The following ZSCAN26 variants were observed in gnomAD, a reference collection of about 807,000 sequenced individuals.
The protein encoded by ZSCAN26 is zinc finger and SCAN domain-containing protein 26.
ZSCAN26 carries 26 observed loss-of-function variants against 23.0 expected under a neutral mutation model. The observed-to-expected ratio is 1.13, with a 90% CI of 0.83 to 1.57. The LOEUF is 1.57. Ranked by LOEUF, ZSCAN26 falls within the 40% of genes most tolerant of loss-of-function variation. ZSCAN26 has a pLI of 0.00. For synonymous variants in ZSCAN26, 180 were observed against 202.5 expected (o/e 0.89, Z 0.94); for missense variants, 528 against 568.5 (o/e 0.93, Z 0.72).
At chr6:28,268,542 G>A (rs1337499108) in intron 1 of ZSCAN26, among the ~76,000 whole-genome samples, 1 of 152,120 alleles carries the variant, frequency 6.6e-6, no homozygotes, top group Non-Finnish European at 1.5e-5. Flanking sequence ...ATAGATTGGT[G>A]TCTCAGACCA....
chr6:28,271,716 C>T, intron 1 of ZSCAN26, 138 bp from the exon 2 acceptor site: 14 of 541,822 alleles, frequency 2.6e-5, no homozygotes, highest in African/African-American at 3.8e-5. Flanking sequence ...TAGTTTTTTC[C>T]TTCTGTATGT....
chr6:28,274,623 C>T (rs1368119501), intron 3 of ZSCAN26, among the ~76,000 whole-genome samples: 2 of 152,162 alleles, frequency 1.3e-5, no homozygotes, highest in Non-Finnish European at 2.9e-5. Context: ...AGCTGTAGTT[C>T]TAGCCACTTG....
chr6:28,272,248 G>A lies in ZSCAN26; in HGVS notation c.329G>A (p.Arg110Gln), dbSNP rs770434648. 32 of 1,611,986 alleles carry A rather than the reference G, an allele frequency of 2.0e-5. No individual in the cohort carries two copies. Among genetic ancestry groups the A allele is most frequent in the Admixed American group, 1.2e-4 (7 of 59,650 alleles). ...LIILPKELQARVQEHHPESRE... is the reference protein window; with the variant it reads ...LIILPKELQAQVQEHHPESRE... ...ATCCTGCCTAAGGAGCTCCAGGCCCGGGTGCAGGAGCATCACCCAGAGAGC... is the reference window on the plus strand; with the variant it reads ...ATCCTGCCTAAGGAGCTCCAGGCCCAGGTGCAGGAGCATCACCCAGAGAGC... The change falls in exon 2 of 4, where the codon CGG (arginine) becomes CAG (glutamine). Residue 110 changes from arginine (R) to glutamine (Q), a missense_variant. Transcript: ENST00000421553.
At chr6:28,276,114 T>A (rs144467021) in intron 3 of ZSCAN26, 81 bp from the exon 4 acceptor site, 9 of 1,203,082 alleles carry the variant, frequency 7.5e-6, no homozygotes, top group Admixed American at 5.3e-5. Flanking sequence ...CTTCATTATA[T>A]TTTTTTTTCC....
intron 2 of ZSCAN26, 128 bp from the exon 3 acceptor site, chr6:28,272,542 T>A (rs1327556658): frequency 3.0e-6 from 3 of 1,004,948 alleles, no homozygotes; most frequent in Non-Finnish European, 4.3e-6. Flanking sequence ...AGATTCCCCA[T>A]CTTCTTTTCT....
At chr6:28,274,343 A>G (rs1434253010) in intron 3 of ZSCAN26, among the ~76,000 whole-genome samples, 2 of 152,186 alleles carry the variant, frequency 1.3e-5, no homozygotes, top group Non-Finnish European at 2.9e-5. Flanking sequence ...TTCTGGGAGC[A>G]TCCTGAATAA....
chr6:28,276,240 A>T lies in ZSCAN26; in HGVS notation c.584A>T (p.Asp195Val). 6.2e-7 allele frequency: 1 copy of T among 1,613,646 alleles called. No individual in the cohort carries two copies. Among genetic ancestry groups the T allele is most frequent in the Non-Finnish European group, 8.5e-7 (1 of 1,179,776 alleles). ...AATGGGAAGCTTATTGTAGTAACAG[A>T]CTCTTGTGGAAGAGTAGAGTCATCT... ...IENGKLIVVT[D>V]SCGRVESSGK... is the part of the protein sequence containing the mutation. The change falls in exon 4 of 4, where the codon GAC becomes GTC. Residue 195 changes from aspartate to valine, a missense_variant. Transcript: ENST00000421553.
chr6:28,277,138 G>A lies in ZSCAN26; in HGVS notation c.*42G>A. On this transcript the variant is annotated 3_prime_UTR_variant, in exon 4 of 4. Coordinates refer to ENST00000421553, the MANE Select transcript of ZSCAN26 (RefSeq NM_001023560.4). ...TGTAGAACATCAGAGAAGGCACATT[G>A]ACTAGCAAACAGCACTTTAGGAAAA... 6.4e-7 allele frequency: 1 copy of A among 1,569,472 alleles called. No individual in the cohort carries two copies. The highest frequency in any genetic ancestry group is 8.6e-7 in the Non-Finnish European group (1 of 1,161,312).
Position 28,277,292 on chromosome 6 carries a change from T to A in ZSCAN26, c.*196T>A. The A allele has an allele frequency of 1.7e-6, 1 of 593,734 alleles. No individual in the cohort carries two copies. The highest frequency in any genetic ancestry group is 2.8e-5 in the East Asian group (1 of 35,280). The allele number at this position is 593,734 out of a possible 1,614,324, so 36.8% of individuals were successfully genotyped here. On this transcript the variant is annotated 3_prime_UTR_variant, in exon 4 of 4. Coordinates refer to ENST00000421553, the MANE Select transcript of ZSCAN26 (RefSeq NM_001023560.4). Reference sequence around the variant, plus strand: ...CACAATAATTTCACTGTAGATGATATGCTAGGATCAAAGTTAAACAGCATT... The same window carrying A: ...CACAATAATTTCACTGTAGATGATAAGCTAGGATCAAAGTTAAACAGCATT...
At chr6:28,269,697 T>C (rs1468367107) in intron 1 of ZSCAN26, among the ~76,000 whole-genome samples, 1 of 152,190 alleles carries the variant, frequency 6.6e-6, no homozygotes, top group African/African-American at 2.4e-5. Context: ...AGAATTCTCT[T>C]ACTCAGGGAT....
rs1314445132 is a variant in ZSCAN26, at chr6:28,277,892, G to A, written c.*796G>A. The A allele has an allele frequency of 1.3e-5, 2 of 152,218 alleles. No homozygotes were observed. Among genetic ancestry groups the A allele is most frequent in the Admixed American group, 6.5e-5 (1 of 15,286 alleles). 9.4% of individuals were successfully genotyped at this position (152,218 alleles called of 1,614,324 possible). A position where few individuals can be genotyped will look rare whatever the true frequency, so the allele number is the denominator to read the frequency against. On this transcript the variant is annotated 3_prime_UTR_variant, in exon 4 of 4. Transcript: ENST00000421553. ...GTGCCAGTATAGTGGCTGCTGCATA[G>A]ACACTATTCAGTAAATGTCTGATGA... is the stretch of plus-strand genomic sequence containing the variant.
At position 28,277,319 on chromosome 6, in the gene ZSCAN26, T is replaced by C. The variant is rs367896865; in HGVS notation, c.*223T>C. Reference sequence around the variant, plus strand: ...CTAGGATCAAAGTTAAACAGCATTCTTCACTGCAGGACATCTCAGAGCATG... The same window carrying C: ...CTAGGATCAAAGTTAAACAGCATTCCTCACTGCAGGACATCTCAGAGCATG... On this transcript the variant is annotated 3_prime_UTR_variant, in exon 4 of 4. Transcript: ENST00000421553. 2.5e-4 allele frequency: 140 copies of C among 558,078 alleles called. 3 individuals are homozygous for C. In the South Asian group the frequency reaches 2.8e-3, roughly 11 times the overall value. 34.6% of individuals were successfully genotyped at this position (558,078 alleles called of 1,614,324 possible). A position where few individuals can be genotyped will look rare whatever the true frequency, so the allele number is the denominator to read the frequency against.
At position 28,272,523 on chromosome 6, in the gene ZSCAN26, A is replaced by G. The variant is rs1175374612; in HGVS notation, c.421-147A>G. ...CTGGCCCTTGCTTGGAGAAAACTGA[A>G]TGTGCACCAGATTCCCCATCTTCTT... On this transcript the variant is annotated intron_variant, in intron 2 of 3. Coordinates refer to ENST00000421553, the MANE Select transcript of ZSCAN26 (RefSeq NM_001023560.4). The G allele has an allele frequency of 3.1e-6, 3 of 956,778 alleles. No homozygotes were observed. In the African/African-American group the frequency reaches 5.0e-5, roughly 16 times the overall value. 59.3% of individuals were successfully genotyped at this position (956,778 alleles called of 1,614,324 possible).
At chr6:28,275,401 C>T (rs1436367180) in intron 3 of ZSCAN26, among the ~76,000 whole-genome samples, 2 of 152,186 alleles carry the variant, frequency 1.3e-5, no homozygotes, top group African/African-American at 4.8e-5. Flanking sequence ...TAATTTCACC[C>T]TTAGGACACA....
chr6:28,275,237 T>G (rs967283738), intron 3 of ZSCAN26, among the ~76,000 whole-genome samples: 1 of 152,220 alleles, frequency 6.6e-6, no homozygotes, highest in Non-Finnish European at 1.5e-5. Flanking sequence ...ATTCTGACTT[T>G]GCATCCCCAG....
At chr6:28,270,542 C>T (rs930229847) in intron 1 of ZSCAN26, among the ~76,000 whole-genome samples, 3 of 152,186 alleles carry the variant, frequency 2.0e-5, no homozygotes, top group Non-Finnish European at 2.9e-5. Context: ...GTAGGGTATC[C>T]TGGTCCCAAA....
At position 28,271,984 on chromosome 6, in the gene ZSCAN26, G is replaced by T; in HGVS notation, c.65G>T (p.Arg22Leu). The T allele has an allele frequency of 1.3e-6, 2 of 1,551,690 alleles. No individual in the cohort carries two copies. Among genetic ancestry groups the T allele is most frequent in the South Asian group, 2.4e-5 (2 of 84,056 alleles). Reference sequence around the variant, plus strand: ...CTGAATCTGAAGAAGGAGGGGCTTCGGGTAGTGAGGGAGGATCACTACTCT... The same window carrying T: ...CTGAATCTGAAGAAGGAGGGGCTTCTGGTAGTGAGGGAGGATCACTACTCT... ...APLNLKKEGLRVVREDHYSTW... is the reference protein window; with the variant it reads ...APLNLKKEGLLVVREDHYSTW... The change falls in exon 2 of 4, where the codon CGG becomes CTG. Residue 22 changes from arginine (R) to leucine (L), a missense_variant. Coordinates refer to ENST00000421553, the MANE Select transcript of ZSCAN26 (RefSeq NM_001023560.4).
chr6:28,277,022 T>C lies in ZSCAN26; in HGVS notation c.1366T>C (p.Cys456Arg), dbSNP rs1761978163. 6.2e-7 allele frequency: 1 copy of C among 1,613,982 alleles called. No homozygotes were observed. Among genetic ancestry groups the C allele is most frequent in the Non-Finnish European group, 8.5e-7 (1 of 1,179,866 alleles). ...AGAAAAACCCTATCAGTGTAGTGAA[T>C]GTGGAGAAGCCTTCAGGCAAAGGTC... ...NEEKPYQCSE[C>R]GEAFRQRSGL... The change falls in exon 4 of 4, where the codon TGT (cysteine) becomes CGT (arginine). Residue 456 changes from cysteine to arginine, a missense_variant. Coordinates refer to ENST00000421553, the MANE Select transcript of ZSCAN26 (RefSeq NM_001023560.4).
At position 28,277,202 on chromosome 6, in the gene ZSCAN26, G is replaced by C; in HGVS notation, c.*106G>C. On this transcript the variant is annotated 3_prime_UTR_variant, in exon 4 of 4. Transcript: ENST00000421553. ...ACTGTGGCATCAGAAAATTCTTGGG[G>C]GCTGAGTTGGAGGCTCCCTGCCTCT... 1 of 1,222,868 alleles carries C rather than the reference G, an allele frequency of 8.2e-7. No individual in the cohort carries two copies. The allele number at this position is 1,222,868 out of a possible 1,614,324, so 75.8% of individuals were successfully genotyped here. A position where few individuals can be genotyped will look rare whatever the true frequency, so the allele number is the denominator to read the frequency against.
Sources: allele counts gnomAD v4.1 joint callset (sites outside exome capture counted in the v4.1 genomes callset), GRCh38; gene constraint gnomAD v4.1.1; transcripts MANE v1.5; gene names NCBI Gene and HGNC (gene_info 2026-07-23, HGNC 2026-07-21).